AUTS2: variants seen among roughly 807,000 people sequenced by gnomAD.
The protein encoded by AUTS2 is activator of transcription and developmental regulator AUTS2.
In AUTS2, 17 loss-of-function variants were observed where a neutral mutation model predicts 112.4. That is an observed-to-expected ratio of 0.15 (90% CI 0.10 to 0.23). The LOEUF (loss-of-function observed/expected upper bound fraction) is 0.23, where lower values mean the gene tolerates loss of function less well. Among genes scored for constraint, AUTS2 ranks in the 10% least tolerant of loss-of-function variants. The pLI is 1.00. For missense variants in AUTS2, 1,510 were observed against 1,701.6 expected, an observed-to-expected ratio of 0.89 and a Z score of 1.98; for synonymous variants, 751 against 702.7, an observed-to-expected ratio of 1.07 and a Z score of -1.09.
At chr7:70,253,505 T>C (rs532936097) in intron 4 of AUTS2, among the ~76,000 whole-genome samples, 2 of 152,318 alleles carry the variant, frequency 1.3e-5, no homozygotes, top group African/African-American at 4.8e-5. Flanking sequence ...TTACTGTGAA[T>C]TGCTTATTTC....
chr7:70,789,583 G>A (rs1175559085), intron 18 of AUTS2, among the ~76,000 whole-genome samples, 165 bp from the exon 19 acceptor site: 4 of 152,060 alleles, frequency 2.6e-5, no homozygotes, highest in African/African-American at 9.7e-5. Flanking sequence ...GTAGGATAAG[G>A]GTGGCTGGCT....
At chr7:70,397,787 A>G in intron 4 of AUTS2, among the ~76,000 whole-genome samples, 1 of 152,100 alleles carries the variant, frequency 6.6e-6, no homozygotes, top group East Asian at 1.9e-4. Flanking sequence ...TAATTAATTT[A>G]TTCTTTTATG....
At chr7:69,717,864 C>G (rs888236657) in intron 1 of AUTS2, among the ~76,000 whole-genome samples, 7 of 152,058 alleles carry the variant, frequency 4.6e-5, no homozygotes, top group African/African-American at 1.7e-4. Flanking sequence ...GTTCATCCAC[C>G]GTTTTACTCA....
intron 1 of AUTS2, among the ~76,000 whole-genome samples, chr7:69,659,346 A>G (rs1238602644): frequency 3.3e-5 from 5 of 151,682 alleles, no homozygotes; most frequent in Non-Finnish European, 5.9e-5. Context: ...TTTTGTCCGT[A>G]TATTCATTGT....
intron 1 of AUTS2, among the ~76,000 whole-genome samples, chr7:69,765,009 A>G (rs1048499615): frequency 6.6e-6 from 1 of 152,226 alleles, no homozygotes; most frequent in Non-Finnish European, 1.5e-5. Context: ...TGAGAGTTTT[A>G]AAGAATTTTC....
At chr7:69,700,776 A>G (rs1180388360) in intron 1 of AUTS2, among the ~76,000 whole-genome samples, 2 of 152,224 alleles carry the variant, frequency 1.3e-5, no homozygotes, top group African/African-American at 4.8e-5. Context: ...TCTTTCATAG[A>G]CCAAGTTTCG....
Position 70,427,626 on chromosome 7 carries a change from A to T in AUTS2, c.661-8126A>T, listed in dbSNP as rs142597362. ...TTAGAATTTAATTTATGAGCTTTAA[A>T]ACTTCAAGTTTGGACAACCTGATTT... On this transcript the variant is annotated intron_variant, in intron 4 of 18. Transcript: ENST00000342771. Among the ~76,000 whole-genome samples the T allele has an allele frequency of 6.0e-3, 920 of 152,346 alleles. 3 individuals are homozygous for T. Among genetic ancestry groups the T allele is most frequent in the Non-Finnish European group, 0.011 (718 of 68,032 alleles).
intron 5 of AUTS2, among the ~76,000 whole-genome samples, chr7:70,594,748 G>A (rs978273161): frequency 2.0e-5 from 3 of 152,180 alleles, no homozygotes; most frequent in African/African-American, 7.2e-5. Context: ...GAGTGAGTGT[G>A]TTCACTTTTG....
intron 5 of AUTS2, among the ~76,000 whole-genome samples, chr7:70,491,269 T>C (rs994164992): frequency 1.3e-5 from 2 of 151,954 alleles, no homozygotes; most frequent in Non-Finnish European, 2.9e-5. Flanking sequence ...TTCATCTGAG[T>C]GTGGACTCAA....
At chr7:70,725,831 T>C (rs191683323) in intron 6 of AUTS2, among the ~76,000 whole-genome samples, 1 of 152,082 alleles carries the variant, frequency 6.6e-6, no homozygotes, top group African/African-American at 2.4e-5. Context: ...CTCCCCTTTA[T>C]ATAAAGGACC....
At chr7:69,779,266 GAGCCTGACACAT>G (rs1300882475) in intron 1 of AUTS2, among the ~76,000 whole-genome samples, 1 of 151,980 alleles carries the variant, frequency 6.6e-6, no homozygotes, top group Non-Finnish European at 1.5e-5. Context: ...ATCTATCAGT[GAGCCTGACACAT>G]AGTGTCTGTG....
intron 5 of AUTS2, among the ~76,000 whole-genome samples, chr7:70,462,223 G>T (rs1796995360): frequency 6.6e-6 from 1 of 152,152 alleles, no homozygotes; most frequent in Non-Finnish European, 1.5e-5. Flanking sequence ...CTGCACTCCA[G>T]CCTGGGTGAT....
At chr7:69,729,875 T>C (rs1026905871) in intron 1 of AUTS2, among the ~76,000 whole-genome samples, 1 of 152,092 alleles carries the variant, frequency 6.6e-6, no homozygotes, top group Non-Finnish European at 1.5e-5. Context: ...TTTAAAAAGT[T>C]GTTCTTCCCC....
chr7:70,487,329 GTTAA>G (rs1297275255), intron 5 of AUTS2, among the ~76,000 whole-genome samples: 1 of 152,150 alleles, frequency 6.6e-6, no homozygotes, highest in African/African-American at 2.4e-5. Context: ...TTCAAGAAGT[GTTAA>G]TTTAATATGC....
intron 2 of AUTS2, among the ~76,000 whole-genome samples, chr7:70,068,360 A>G (rs1413800485): frequency 1.4e-5 from 2 of 147,416 alleles, no homozygotes; most frequent in Non-Finnish European, 3.0e-5. Flanking sequence ...TTTTTTTTGT[A>G]TTTTTAGTGG....
At chr7:70,360,511 A>C (rs543394682) in intron 4 of AUTS2, among the ~76,000 whole-genome samples, 1 of 152,282 alleles carries the variant, frequency 6.6e-6, no homozygotes, top group African/African-American at 2.4e-5. Flanking sequence ...GAGTATTAGG[A>C]GAGCACATTT....
intron 4 of AUTS2, among the ~76,000 whole-genome samples, chr7:70,434,086 T>G (rs1487955811): frequency 2.6e-5 from 4 of 152,206 alleles, no homozygotes. Flanking sequence ...TATCTGGACA[T>G]CACGTTCTTA....
At chr7:70,777,489 T>G (rs923794952) in intron 14 of AUTS2, among the ~76,000 whole-genome samples, 4 of 151,442 alleles carry the variant, frequency 2.6e-5, no homozygotes, top group Admixed American at 2.0e-4. Flanking sequence ...CCACCATACT[T>G]GGCTAATTTC....
chr7:70,659,639 CTG>C (rs1368597560), intron 5 of AUTS2, among the ~76,000 whole-genome samples: 1 of 152,188 alleles, frequency 6.6e-6, no homozygotes, highest in Non-Finnish European at 1.5e-5. Context: ...GGACCAGACA[CTG>C]TTGTGGGACC....
Sources: allele counts gnomAD v4.1 joint callset (sites outside exome capture counted in the v4.1 genomes callset), GRCh38; gene constraint gnomAD v4.1.1; transcripts MANE v1.5; gene names NCBI Gene and HGNC (gene_info 2026-07-23, HGNC 2026-07-21).